Variants in TCTN2 observed in about 807,000 individuals in gnomAD.
TCTN2 encodes tectonic family member 2, also known as tectonic-2.
In TCTN2, 66 loss-of-function variants were observed where a neutral mutation model predicts 83.4. The observed-to-expected ratio is 0.79, with a 90% CI of 0.65 to 0.97. The LOEUF (loss-of-function observed/expected upper bound fraction) is 0.97, where lower values mean the gene tolerates loss of function less well. Among genes scored for constraint, TCTN2 ranks in the 50% least tolerant of loss-of-function variants. The pLI, the probability that TCTN2 is intolerant of heterozygous loss-of-function variation, is 0.00. For missense variants in TCTN2, 794 were observed against 858.1 expected, an observed-to-expected ratio of 0.93 and a Z score of 0.93; for synonymous variants, 301 against 326.7, an observed-to-expected ratio of 0.92 and a Z score of 0.85.
intron 9 of TCTN2, among the ~76,000 whole-genome samples, chr12:123,694,002 A>AT (rs111409557): frequency 0.015 from 2,059 of 134,890 alleles, 38 homozygotes; most frequent in African/African-American, 0.045. Flanking sequence ...ATTTTTTTGT[A>AT]TTTTTTTTTT....
At chr12:123,703,800 A>T (rs1956198668) in intron 14 of TCTN2, among the ~76,000 whole-genome samples, 1 of 152,114 alleles carries the variant, frequency 6.6e-6, no homozygotes, top group Non-Finnish European at 1.5e-5. Context: ...TAAAGTTGTT[A>T]GTATGGATTT....
chr12:123,696,189 A>G, intron 11 of TCTN2: 2 of 526,868 alleles, frequency 3.8e-6, no homozygotes, highest in Non-Finnish European at 3.4e-6. Flanking sequence ...TTTTTTTTAC[A>G]TAGTCTGTTG....
intron 6 of TCTN2, among the ~76,000 whole-genome samples, chr12:123,687,587 G>A (rs1955987960): frequency 6.6e-6 from 1 of 152,188 alleles, no homozygotes; most frequent in African/African-American, 2.4e-5. Context: ...AACCCGGGCG[G>A]CGGAGCTTGA....
chr12:123,707,734 T>C lies in TCTN2; in HGVS notation c.*21T>C. On this transcript the variant is annotated 3_prime_UTR_variant, in exon 18 of 18. Transcript: ENST00000303372. ...GTTAGACAACCACCTGGCTTTTATT[T>C]TTTTGAGATGGAGTTTTGCTCTTGT... 6.3e-7 allele frequency: 1 copy of C among 1,593,346 alleles called. No individual in the cohort carries two copies. Among genetic ancestry groups the C allele is most frequent in the Non-Finnish European group, 8.6e-7 (1 of 1,161,142 alleles).
rs1015790415 is a variant in TCTN2 at position 123,672,098 on chromosome 12, C to T, written c.233C>T (p.Thr78Met). ...ACGTGTGGAGTGCTGAACAATGAGACGGAAGACTGGAGCGTGACTGTGATC... is the reference window on the plus strand; with the variant it reads ...ACGTGTGGAGTGCTGAACAATGAGATGGAAGACTGGAGCGTGACTGTGATC... ...IPTCGVLNNETEDWSVTVIPG... is the reference protein window; with the variant it reads ...IPTCGVLNNEMEDWSVTVIPG... The change falls in exon 3 of 18, where the codon ACG becomes ATG. Residue 78 changes from threonine to methionine, a missense_variant. Physicochemically the swap from Thr to Met is moderately conservative, Grantham distance 81. Coordinates refer to ENST00000303372, the MANE Select transcript of TCTN2 (RefSeq NM_024809.5). 9.3e-6 allele frequency: 15 copies of T among 1,614,008 alleles called. No homozygotes were observed. The highest frequency in any genetic ancestry group is 4.0e-5 in the African/African-American group (3 of 74,906).
chr12:123,688,417 A>C (rs1275881807), intron 7 of TCTN2, among the ~76,000 whole-genome samples: 1 of 151,944 alleles, frequency 6.6e-6, no homozygotes, highest in Non-Finnish European at 1.5e-5. Flanking sequence ...GGGTTTCACC[A>C]TGTTGACCTG....
chr12:123,680,352 C>CA (rs550243428), intron 5 of TCTN2, among the ~76,000 whole-genome samples: 9,313 of 109,000 alleles, frequency 0.085, 853 homozygotes, highest in African/African-American at 0.25. Context: ...AACTCCGTTT[C>CA]AAAAAAAAAA....
intron 4 of TCTN2, among the ~76,000 whole-genome samples, chr12:123,674,170 ATTTTAT>A (rs1955791544): frequency 6.6e-6 from 1 of 151,998 alleles, no homozygotes; most frequent in Admixed American, 6.6e-5. Context: ...ATTTTGTACT[ATTTTAT>A]TTAACATTTA....
intron 5 of TCTN2, among the ~76,000 whole-genome samples, chr12:123,683,349 C>T (rs2135829124): frequency 6.7e-6 from 1 of 149,650 alleles, no homozygotes; most frequent in South Asian, 2.1e-4. Flanking sequence ...GGTGCCATCT[C>T]CGCTCACTGC....
rs752527801 is a variant in TCTN2, at chr12:123,699,800, C to G, written c.1602C>G (p.Leu534=). 4 of 1,613,720 alleles carry G rather than the reference C, an allele frequency of 2.5e-6. No homozygotes were observed. Among genetic ancestry groups the G allele is most frequent in the Non-Finnish European group, 3.4e-6 (4 of 1,179,732 alleles). Residue 534 remains leucine, a synonymous_variant, in exon 14 of 18, where the codon CTC becomes CTG. Coordinates refer to ENST00000303372, the MANE Select transcript of TCTN2 (RefSeq NM_024809.5). ...ACGCTGATCTTAGTGATGGCTGGCT[C>G]GAAATAATACGTAAGTCAAACCCGG... ...SDYADLSDGW[L]EIIRVDAPDP...
intron 5 of TCTN2, among the ~76,000 whole-genome samples, chr12:123,680,018 C>G (rs529704836): frequency 6.6e-6 from 1 of 151,366 alleles, no homozygotes; most frequent in Non-Finnish European, 1.5e-5. Context: ...GGATTACAGG[C>G]GTGAGCCACC....
intron 3 of TCTN2, among the ~76,000 whole-genome samples, chr12:123,672,726 G>T (rs1192664781): frequency 6.6e-6 from 1 of 151,732 alleles, no homozygotes; most frequent in Non-Finnish European, 1.5e-5. Context: ...TCCAGCCTGG[G>T]CAACAGAGCA....
At chr12:123,674,012 A>C (rs532204996) in intron 4 of TCTN2, among the ~76,000 whole-genome samples, 51 of 152,234 alleles carry the variant, frequency 3.4e-4, no homozygotes, top group African/African-American at 1.2e-3. Context: ...AAAACCAAAA[A>C]CAAAAACAAA....
chr12:123,684,620 G>A (rs991002658), intron 5 of TCTN2, among the ~76,000 whole-genome samples: 6 of 151,784 alleles, frequency 4.0e-5, no homozygotes, highest in Non-Finnish European at 7.4e-5. Flanking sequence ...GGCTGGCCTC[G>A]AACTCCTGAC....
intron 5 of TCTN2, among the ~76,000 whole-genome samples, chr12:123,679,669 A>G (rs1431548076): frequency 1.3e-5 from 2 of 151,182 alleles, no homozygotes; most frequent in African/African-American, 4.9e-5. Flanking sequence ...TTGCCCCAAC[A>G]GCTTTTTAAG....
At chr12:123,694,114 C>G (rs979741077) in intron 9 of TCTN2, among the ~76,000 whole-genome samples, 2 of 152,034 alleles carry the variant, frequency 1.3e-5, no homozygotes, top group African/African-American at 4.8e-5. Context: ...CTGCCTCAGC[C>G]TCCCGAGTAG....
rs571035008 is a variant in TCTN2, at chr12:123,678,859, A to C, written c.464-330A>C. On this transcript the variant is annotated intron_variant, in intron 4 of 17. Transcript: ENST00000303372. ...GTCGCCCAGGTTGGAGTATAGTGGC[A>C]CGATCTCGGCTCACTGCAAGCTCCG... is the stretch of plus-strand genomic sequence containing the variant. Among the ~76,000 whole-genome samples, 90 of 151,606 alleles carry C rather than the reference A, an allele frequency of 5.9e-4. 4 individuals are homozygous for C. The South Asian group carries it at 0.018, about 31-fold the overall frequency.
At chr12:123,699,500 G>T (rs1341866647) in intron 13 of TCTN2, among the ~76,000 whole-genome samples, 1 of 152,126 alleles carries the variant, frequency 6.6e-6, no homozygotes, top group Non-Finnish European at 1.5e-5. Flanking sequence ...GCTTCTGTAT[G>T]TTCTCCCCCA....
chr12:123,692,690 GC>G lies in TCTN2; in HGVS notation c.1067del (p.Ala356GlufsTer4). ...TACACCAAAAGTGATCTATGAGGAA[GC>G]AACTGACCTAGACAAATTCATCACC... The part of the protein sequence containing the change: ...IVTPKVIYEE[A>X]TDLDKFITNT... On this transcript the variant is annotated frameshift_variant, in exon 9 of 18. Transcript: ENST00000303372. LOFTEE classifies it high-confidence loss of function. The G allele has an allele frequency of 6.2e-7, 1 of 1,613,832 alleles. No homozygotes were observed. The highest frequency in any genetic ancestry group is 1.3e-5 in the African/African-American group (1 of 75,042).
Sources: gnomAD v4.1 joint callset for allele counts (sites outside exome capture counted in the v4.1 genomes callset) on GRCh38, gnomAD v4.1.1 for gene constraint, MANE v1.5 for transcripts, NCBI Gene and HGNC (gene_info 2026-07-23, HGNC 2026-07-21) for gene names.